The following ELSPBP1 variants were observed in gnomAD, a reference collection of about 807,000 sequenced individuals.
ELSPBP1 encodes the protein epididymal sperm-binding protein 1.
In ELSPBP1, 38 loss-of-function variants were observed where a neutral mutation model predicts 33.3. The ratio of observed to expected loss-of-function variants is 1.14; its 90% CI spans 0.88 to 1.50. The LOEUF (loss-of-function observed/expected upper bound fraction) is 1.50. Ranked by LOEUF, ELSPBP1 falls within the 40% of genes most tolerant of loss-of-function variation. The probability of loss-of-function intolerance (pLI) is 0.00; values close to 1 mark genes in which losing one functional copy is unlikely to be tolerated. For synonymous variants in ELSPBP1, 85 were observed against 94.1 expected (o/e 0.90, Z 0.56); for missense variants, 267 against 263.5 (o/e 1.01, Z -0.09).
intron 1 of ELSPBP1, among the ~76,000 whole-genome samples, chr19:48,004,821 A>C (rs1412416401): frequency 1.3e-5 from 2 of 152,220 alleles, no homozygotes; most frequent in Non-Finnish European, 2.9e-5. Context: ...CCACTGCTGC[A>C]TACTCATCGT....
intron 1 of ELSPBP1, among the ~76,000 whole-genome samples, chr19:48,005,608 C>T (rs1967009973): frequency 6.6e-6 from 1 of 152,130 alleles, no homozygotes; most frequent in African/African-American, 2.4e-5. Flanking sequence ...GTCTGGGAGG[C>T]AGTTGAAAAT....
In ELSPBP1 at chr19:48,015,809, A is replaced by G. The variant is rs1406699097; in HGVS notation, c.209-84A>G. ...CTGAACCTTATGTCTGTCCTGTCCT[A>G]TGATGGTTGATTGATGATTAAATGA... On this transcript the variant is annotated intron_variant, in intron 3 of 6. Transcript: ENST00000339841. 4 of 1,333,304 alleles carry G rather than the reference A, an allele frequency of 3.0e-6. No individual in the cohort carries two copies. In the African/African-American group the frequency reaches 4.3e-5, roughly 14 times the overall value. The allele number at this position is 1,333,304 out of a possible 1,614,324, so 82.6% of individuals were successfully genotyped here.
chr19:48,004,528 C>T lies in ELSPBP1; in HGVS notation c.-17-4123C>T, dbSNP rs188618731. On this transcript the variant is annotated intron_variant, in intron 1 of 6. Coordinates refer to ENST00000339841, the MANE Select transcript of ELSPBP1 (RefSeq NM_022142.5). The stretch of plus-strand genomic sequence containing the variant: ...CTTTTTCCATCTCAGGCAGTTTCCA[C>T]GTCGGCTTCTCCTGCCTGGATGTAT... Among the ~76,000 whole-genome samples the T allele has an allele frequency of 1.7e-3, 265 of 152,284 alleles. 3 individuals carry two copies. The highest frequency in any genetic ancestry group is 6.1e-3 in the African/African-American group (252 of 41,572).
intron 3 of ELSPBP1, 72 bp downstream of exon 3, chr19:48,014,380 T>C: frequency 2.0e-6 from 3 of 1,523,726 alleles, no homozygotes; most frequent in East Asian, 2.3e-5. Context: ...TGTGTGACTG[T>C]CTATGACATG....
chr19:48,005,730 C>T (rs9304671), intron 1 of ELSPBP1, among the ~76,000 whole-genome samples: 86,887 of 151,976 alleles, frequency 0.57, 27,030 homozygotes, highest in African/African-American at 0.84. Flanking sequence ...GAGGCAGCAT[C>T]GTACATTGGT....
intron 1 of ELSPBP1, among the ~76,000 whole-genome samples, chr19:48,000,190 A>G (rs1017455767): frequency 6.6e-6 from 1 of 151,468 alleles, no homozygotes. Context: ...ACATTGTATC[A>G]TTTCATTCTT....
intron 4 of ELSPBP1, among the ~76,000 whole-genome samples, chr19:48,018,041 A>G (rs1967161437): frequency 6.6e-6 from 1 of 152,146 alleles, no homozygotes; most frequent in Non-Finnish European, 1.5e-5. Flanking sequence ...TCAAATTTGC[A>G]TAAATCACCA....
intron 1 of ELSPBP1, among the ~76,000 whole-genome samples, chr19:48,004,297 T>C (rs10411890): frequency 0.55 from 83,294 of 151,580 alleles, 23,251 homozygotes; most frequent in Admixed American, 0.61. Context: ...GTCCCATCCA[T>C]CTCACCATGC....
chr19:48,002,309 CA>C (rs905351115), intron 1 of ELSPBP1, among the ~76,000 whole-genome samples: 1 of 152,036 alleles, frequency 6.6e-6, no homozygotes. Flanking sequence ...GCATCTAAGC[CA>C]AAAATTATTC....
rs1967183108 is a variant in ELSPBP1, at chr19:48,020,006, G to A, written c.514+129G>A. The A allele has an allele frequency of 6.3e-6, 6 of 956,486 alleles. No individual in the cohort carries two copies. In the East Asian group the frequency reaches 1.6e-4, roughly 25 times the overall value. The allele number at this position is 956,486 out of a possible 1,614,324, so 59.2% of individuals were successfully genotyped here. On this transcript the variant is annotated intron_variant, in intron 5 of 6. Transcript: ENST00000339841. ...CACTGAGGATCTGGTGATGAATCCGGCAGACAGAGTTCTGGCTCACGAATA... is the reference window on the plus strand; with the variant it reads ...CACTGAGGATCTGGTGATGAATCCGACAGACAGAGTTCTGGCTCACGAATA...
intron 1 of ELSPBP1, among the ~76,000 whole-genome samples, chr19:48,001,065 G>C (rs1388559369): frequency 4.6e-5 from 7 of 152,108 alleles, no homozygotes; most frequent in Non-Finnish European, 8.8e-5. Flanking sequence ...GCTTCTTCCA[G>C]CTTCTAAAGG....
At chr19:48,014,068 G>T in intron 2 of ELSPBP1, 103 bp from the exon 3 acceptor site, 2 of 1,362,590 alleles carry the variant, frequency 1.5e-6, no homozygotes. Flanking sequence ...GGGCAGGGAG[G>T]GAACACGGAC....
chr19:48,004,347 G>A (rs909978820), intron 1 of ELSPBP1, among the ~76,000 whole-genome samples: 2 of 151,890 alleles, frequency 1.3e-5, no homozygotes, highest in East Asian at 3.9e-4. Flanking sequence ...TTGTAGAGAC[G>A]AGGTGTCACT....
At chr19:47,997,500 A>G (rs1423309815) in intron 1 of ELSPBP1, among the ~76,000 whole-genome samples, 1 of 152,216 alleles carries the variant, frequency 6.6e-6, no homozygotes, top group Non-Finnish European at 1.5e-5. Flanking sequence ...GTGCATATAC[A>G]TGTATAATTA....
intron 5 of ELSPBP1, 29 bp from the exon 6 acceptor site, chr19:48,022,141 C>A (rs751312461): frequency 6.3e-6 from 10 of 1,596,862 alleles, no homozygotes; most frequent in Non-Finnish European, 6.0e-6. Context: ...TGAGGAGTAA[C>A]CTTTGTTTTA....
intron 1 of ELSPBP1, among the ~76,000 whole-genome samples, chr19:48,001,406 C>T (rs1207391219): frequency 6.6e-6 from 1 of 150,718 alleles, no homozygotes; most frequent in African/African-American, 2.4e-5. Flanking sequence ...TGGTCTCAAT[C>T]TCCTGACCTC....
chr19:48,015,587 GGCAGAGGTT>G (rs1300187855), intron 3 of ELSPBP1, among the ~76,000 whole-genome samples: 2 of 152,160 alleles, frequency 1.3e-5, no homozygotes, highest in African/African-American at 4.8e-5. Context: ...GAACCCAAGA[GGCAGAGGTT>G]GCAGTGAGCC....
chr19:48,003,451 A>G (rs1161324443), intron 1 of ELSPBP1, among the ~76,000 whole-genome samples: 1 of 152,092 alleles, frequency 6.6e-6, no homozygotes, highest in African/African-American at 2.4e-5. Flanking sequence ...GAAGATAAGA[A>G]ATGAGTTTGA....
intron 6 of ELSPBP1, among the ~76,000 whole-genome samples, chr19:48,023,498 A>AGGAGGGAG (rs1967232491): frequency 1.1e-5 from 1 of 88,956 alleles, no homozygotes. Context: ...GAGGGAGGGA[A>AGGAGGGAG]GGAAAAGAGG....
Sources: allele counts gnomAD v4.1 joint callset (sites outside exome capture counted in the v4.1 genomes callset), GRCh38; gene constraint gnomAD v4.1.1; transcripts MANE v1.5; gene names NCBI Gene and HGNC (gene_info 2026-07-23, HGNC 2026-07-21).